RFX7: variants seen among roughly 807,000 people sequenced by gnomAD.
The protein encoded by RFX7 is regulatory factor X7.
A neutral mutation model predicts 111.8 loss-of-function variants in RFX7; 26 were observed. That is an observed-to-expected ratio of 0.23 (90% confidence interval 0.17 to 0.32). RFX7 has a LOEUF of 0.32. RFX7 is among the 10% of genes least tolerant of loss of function. The pLI is 1.00. For missense variants in RFX7, 1,573 were observed against 1,772.9 expected (o/e 0.89, Z 2.02); for synonymous variants, 624 against 624.4 (o/e 1.00, Z 0.01).
chr15:56,134,433 C>G (rs1402058281), intron 5 of RFX7, among the ~76,000 whole-genome samples: 14 of 151,778 alleles, frequency 9.2e-5, no homozygotes, highest in African/African-American at 3.4e-4. Context: ...ACTAAAATAC[C>G]CAGACTCAGA....
At chr15:56,208,150 G>C (rs1285632026) in intron 2 of RFX7, among the ~76,000 whole-genome samples, 1 of 152,164 alleles carries the variant, frequency 6.6e-6, no homozygotes, top group African/African-American at 2.4e-5. Flanking sequence ...CCTTAGACAA[G>C]GGAAGGAGAA....
chr15:56,235,693 G>T (rs1027478175), intron 2 of RFX7, among the ~76,000 whole-genome samples: 20 of 152,134 alleles, frequency 1.3e-4, no homozygotes, highest in Non-Finnish European at 2.4e-4. Flanking sequence ...CAATTATAGG[G>T]CATGTGTATC....
chr15:56,171,700 A>C (rs2141110567), intron 3 of RFX7, among the ~76,000 whole-genome samples: 1 of 152,320 alleles, frequency 6.6e-6, no homozygotes, highest in Middle Eastern at 3.4e-3. Context: ...GCAGCCTCTA[A>C]ATGTATGTTA....
At chr15:56,193,707 T>C (rs1316923854) in intron 2 of RFX7, among the ~76,000 whole-genome samples, 1 of 152,138 alleles carries the variant, frequency 6.6e-6, no homozygotes, top group Non-Finnish European at 1.5e-5. Flanking sequence ...GTTATTGATA[T>C]AAAGTAGTAG....
chr15:56,141,656 A>ACCATATATATATATATATATATATAT (rs1555421058), intron 5 of RFX7, among the ~76,000 whole-genome samples: 1 of 83,208 alleles, frequency 1.2e-5, no homozygotes, highest in Non-Finnish European at 2.2e-5. Context: ...GCTTACTCTA[A>ACCATATATATATATATATATATATAT]ATATATATAT....
chr15:56,192,108 C>T (rs1368792311), intron 2 of RFX7, among the ~76,000 whole-genome samples: 1 of 152,106 alleles, frequency 6.6e-6, no homozygotes, highest in Non-Finnish European at 1.5e-5. Flanking sequence ...CAGTATAACG[C>T]TTTTTAGAAA....
intron 5 of RFX7, among the ~76,000 whole-genome samples, chr15:56,130,634 T>C (rs1015932750): frequency 6.7e-6 from 1 of 148,176 alleles, no homozygotes; most frequent in African/African-American, 2.5e-5. Context: ...ATTTAAAGAG[T>C]AAGAAAAAAA....
At chr15:56,120,295 G>C (rs1414039787) in intron 5 of RFX7, among the ~76,000 whole-genome samples, 1 of 152,084 alleles carries the variant, frequency 6.6e-6, no homozygotes, top group Non-Finnish European at 1.5e-5. Flanking sequence ...TTCTTTTTCA[G>C]ATTGTTCACA....
chr15:56,210,905 A>G (rs923278526), intron 2 of RFX7, among the ~76,000 whole-genome samples: 1 of 152,094 alleles, frequency 6.6e-6, no homozygotes, highest in Non-Finnish European at 1.5e-5. Context: ...AGGCTTAAAA[A>G]AGAAAAAGAT....
chr15:56,157,491 T>A (rs1256489508), intron 3 of RFX7, among the ~76,000 whole-genome samples: 7 of 152,266 alleles, frequency 4.6e-5, no homozygotes, highest in Admixed American at 4.6e-4. Context: ...ATCATGGGAT[T>A]CTTTATTACA....
chr15:56,094,525 C>G lies in RFX7; in HGVS notation c.3203G>C (p.Gly1068Ala). The G allele has an allele frequency of 6.2e-7, 1 of 1,613,866 alleles. No homozygotes were observed. Among genetic ancestry groups the G allele is most frequent in the Non-Finnish European group, 8.5e-7 (1 of 1,179,840 alleles). The change falls in exon 10 of 10, where the codon GGG becomes GCG. Residue 1068 changes from glycine to alanine, a missense_variant. Gly to Ala is a moderately conservative substitution (Grantham distance 60). Around this residue, in one of 7 missense-constraint regions of RFX7, gnomAD observed 411 missense variants for 478.1 expected, o/e 0.86. Coordinates refer to ENST00000559447, the MANE Select transcript of RFX7 (RefSeq NM_022841.7). ...TGATGAATTACCAACCCCACTATAC[C>G]CATTATTCATCCATTCAAGCTTGGT... The part of the protein sequence containing the change: ...DKTKLEWMNN[G>A]YSGVGNSSVS...
chr15:56,217,330 C>T (rs1310081564), intron 2 of RFX7, among the ~76,000 whole-genome samples: 1 of 152,094 alleles, frequency 6.6e-6, no homozygotes, highest in Non-Finnish European at 1.5e-5. Flanking sequence ...TTCGCATTTT[C>T]CCTAATTATC....
At chr15:56,111,605 C>A (rs1417568302) in intron 5 of RFX7, among the ~76,000 whole-genome samples, 3 of 144,326 alleles carry the variant, frequency 2.1e-5, no homozygotes, top group Admixed American at 7.2e-5. Context: ...TGTGACCCTG[C>A]CAAATCCCCC....
chr15:56,217,876 T>A (rs1228871025), intron 2 of RFX7, among the ~76,000 whole-genome samples: 1 of 152,180 alleles, frequency 6.6e-6, no homozygotes, highest in Non-Finnish European at 1.5e-5. Context: ...TTACCTTTGA[T>A]TTTTATTAGT....
At chr15:56,147,977 CACTT>C (rs1199848536) in intron 3 of RFX7, among the ~76,000 whole-genome samples, 2 of 152,158 alleles carry the variant, frequency 1.3e-5, no homozygotes, top group Admixed American at 6.5e-5. Flanking sequence ...TAAAAGTCTT[CACTT>C]ACTTGAGTTG....
At chr15:56,180,197 G>A (rs1205748638) in intron 2 of RFX7, among the ~76,000 whole-genome samples, 1 of 152,098 alleles carries the variant, frequency 6.6e-6, no homozygotes, top group African/African-American at 2.4e-5. Context: ...TAGCCATACA[G>A]CTAAGCTATA....
intron 3 of RFX7, among the ~76,000 whole-genome samples, chr15:56,170,941 C>T (rs749460117): frequency 5.9e-5 from 9 of 152,020 alleles, no homozygotes; most frequent in Non-Finnish European, 1.3e-4. Flanking sequence ...GAATCTTCCA[C>T]ACCATAAGGC....
rs2041571490 is a variant in RFX7 at position 56,089,690 on chromosome 15, T to A, written c.*3655A>T. 7.7e-6 allele frequency: 1 copy of A among 129,532 alleles called. No homozygotes were observed. The highest frequency in any genetic ancestry group is 2.9e-4 in the South Asian group (1 of 3,392). 8.0% of individuals were successfully genotyped at this position (129,532 alleles called of 1,614,324 possible). On this transcript the variant is annotated 3_prime_UTR_variant, in exon 10 of 10. Transcript: ENST00000559447. ...GGTAGTTCATTACTTTCATTTTCTCTTGAGTGACTGATTGCCTTTCTTGGG... is the reference window on the plus strand; with the variant it reads ...GGTAGTTCATTACTTTCATTTTCTCATGAGTGACTGATTGCCTTTCTTGGG...
rs573025274 is a variant in RFX7, at chr15:56,234,969, C to T, written c.161+8156G>A. ...AGATCATTGTTCCCCTGGGAGTTGA[C>T]GAAAGGTTCGTGAGACATGTTTCAC... is the stretch of plus-strand genomic sequence containing the variant. On this transcript the variant is annotated intron_variant, in intron 2 of 9. Coordinates refer to ENST00000559447, the MANE Select transcript of RFX7 (RefSeq NM_022841.7). 5.3e-5 allele frequency among the ~76,000 whole-genome samples: 8 copies of T among 152,206 alleles called. No homozygotes were observed. In the South Asian group the frequency reaches 6.2e-4, roughly 12 times the overall value.
Sources: gnomAD v4.1 joint callset for allele counts (sites outside exome capture counted in the v4.1 genomes callset) on GRCh38, gnomAD v4.1.1 for gene constraint, gnomAD v4.1.1 regional missense constraint, MANE v1.5 for transcripts, NCBI Gene and HGNC (gene_info 2026-07-23, HGNC 2026-07-21) for gene names.